The following PLAAT1 variants were observed in gnomAD, a reference collection of about 807,000 sequenced individuals.
PLAAT1 encodes H-REV107 protein-related protein.
PLAAT1 carries 13 observed loss-of-function variants against 16.4 expected under a neutral mutation model. The observed-to-expected ratio is 0.79, with a 90% CI of 0.52 to 1.26. The LOEUF is 1.26. Ranked by LOEUF, PLAAT1 falls within the 50% of genes most tolerant of loss-of-function variation. The pLI is 0.00. For synonymous variants in PLAAT1, 73 were observed against 78.4 expected (o/e 0.93, Z 0.36); for missense variants, 218 against 207.8 (o/e 1.05, Z -0.30).
At chr3:193,241,212 G>A (rs1277746775), upstream of PLAAT1, 3 of 1,222,950 alleles carry the variant, frequency 2.5e-6, no homozygotes, top group Non-Finnish European at 3.1e-6. Flanking sequence ...GGAGCGGGCG[G>A]CTCCCCATGG....
At chr3:193,246,393 C>T (rs1715985304) in intron 1 of PLAAT1, among the ~76,000 whole-genome samples, 1 of 152,034 alleles carries the variant, frequency 6.6e-6, no homozygotes, top group South Asian at 2.1e-4. Flanking sequence ...GAGACAGAGT[C>T]TTACTCTGTC....
At chr3:193,241,654 C>G (rs1715752988) in intron 1 of PLAAT1, 121 bp downstream of exon 1, 1 of 630,994 alleles carries the variant, frequency 1.6e-6, no homozygotes, top group Admixed American at 4.4e-5. Flanking sequence ...CCACCCTCCT[C>G]TTTTTCACAG....
At position 193,246,069 on chromosome 3, in the gene PLAAT1, C is replaced by T. The variant is rs569351701; in HGVS notation, c.-1+4536C>T. On this transcript the variant is annotated intron_variant, in intron 1 of 3. Coordinates refer to ENST00000264735, the MANE Select transcript of PLAAT1 (RefSeq NM_020386.5). ...TTTATTTCTTCTTCTTGCCTAATTG[C>T]TCTAGCTAGGACTTCCAGACTATGT... 1.1e-4 allele frequency among the ~76,000 whole-genome samples: 16 copies of T among 152,278 alleles called. No individual in the cohort carries two copies. In the South Asian group the frequency reaches 2.5e-3, roughly 24 times the overall value.
At chr3:193,250,588 G>A (rs1239098692) in intron 1 of PLAAT1, among the ~76,000 whole-genome samples, 1 of 152,174 alleles carries the variant, frequency 6.6e-6, no homozygotes, top group Non-Finnish European at 1.5e-5. Context: ...GGCTATAAAA[G>A]AGCACTCCGT....
downstream of PLAAT1, chr3:193,275,031 G>A (rs1341438422): frequency 9.3e-6 from 15 of 1,613,746 alleles, no homozygotes; most frequent in African/African-American, 2.7e-5. Context: ...CATGTACGAC[G>A]ACAATTCTGA....
chr3:193,264,326 A>T (rs1716697961), intron 3 of PLAAT1, among the ~76,000 whole-genome samples: 1 of 152,172 alleles, frequency 6.6e-6, no homozygotes, highest in South Asian at 2.1e-4. Flanking sequence ...TCAAAATCCT[A>T]CTTATCCTGC....
intron 2 of PLAAT1, among the ~76,000 whole-genome samples, chr3:193,277,423 C>T (rs1717270940): frequency 6.6e-6 from 1 of 152,104 alleles, no homozygotes; most frequent in Non-Finnish European, 1.5e-5. Context: ...TAACTTCCCA[C>T]GGCTGCATCC....
chr3:193,254,462 T>A (rs1716303620), intron 1 of PLAAT1, among the ~76,000 whole-genome samples: 1 of 152,156 alleles, frequency 6.6e-6, no homozygotes, highest in Non-Finnish European at 1.5e-5. Flanking sequence ...CAATTAGAGA[T>A]TCAACATAGA....
chr3:193,270,863 G>A, downstream of PLAAT1: 5 of 1,306,536 alleles, frequency 3.8e-6, no homozygotes, highest in Non-Finnish European at 4.9e-6. Flanking sequence ...TTATCATTGA[G>A]CCAATGAAAT....
chr3:193,268,117 C>A (rs1716842059), intron 3 of PLAAT1, among the ~76,000 whole-genome samples: 1 of 152,014 alleles, frequency 6.6e-6, no homozygotes, highest in East Asian at 1.9e-4. Context: ...CAGTTGTTTT[C>A]TCTCAGTTTG....
rs996891025 is a variant in PLAAT1, at chr3:193,241,529, G to A, written c.-5G>A. The A allele has an allele frequency of 7.3e-6, 9 of 1,232,018 alleles. No individual in the cohort carries two copies. The South Asian group carries it at 2.5e-4, about 34-fold the overall frequency. 76.3% of individuals were successfully genotyped at this position (1,232,018 alleles called of 1,614,324 possible). On this transcript the variant is annotated 5_prime_UTR_variant, in exon 1 of 4. The change creates a new upstream start codon in the 5' untranslated region. Coordinates refer to ENST00000264735, the MANE Select transcript of PLAAT1 (RefSeq NM_020386.5). ...GCGAGAAGAAGACCCCGGCTTGAGA[G>A]TGAGGTGTGCTGGGCGGAGTGGGGG... is the stretch of plus-strand genomic sequence containing the variant.
At chr3:193,252,715 T>G (rs1317116926) in intron 1 of PLAAT1, among the ~76,000 whole-genome samples, 1 of 152,214 alleles carries the variant, frequency 6.6e-6, no homozygotes, top group African/African-American at 2.4e-5. Flanking sequence ...TTGAAATAAT[T>G]TTTGTATGAA....
intron 2 of PLAAT1, chr3:193,276,661 A>G (rs1717222249): frequency 2.2e-6 from 2 of 901,492 alleles, no homozygotes; most frequent in Non-Finnish European, 3.5e-6. Context: ...TTGGGGGATC[A>G]AAGTGGTTGC....
chr3:193,271,749 A>C (rs1716987891), downstream of PLAAT1, among the ~76,000 whole-genome samples: 1 of 152,202 alleles, frequency 6.6e-6, no homozygotes, highest in African/African-American at 2.4e-5. Context: ...TAGGGGGTTG[A>C]TACAGTGAGA....
chr3:193,242,666 G>A (rs1045135288), intron 1 of PLAAT1, among the ~76,000 whole-genome samples: 5 of 152,120 alleles, frequency 3.3e-5, no homozygotes, highest in African/African-American at 4.8e-5. Flanking sequence ...CTGTGGCAGC[G>A]GATAGTTAAT....
At chr3:193,244,513 A>T (rs1205854770) in intron 1 of PLAAT1, among the ~76,000 whole-genome samples, 3 of 152,112 alleles carry the variant, frequency 2.0e-5, no homozygotes, top group Non-Finnish European at 4.4e-5. Flanking sequence ...ATGGGGTACA[A>T]CGTGATGTTT....
downstream of PLAAT1, chr3:193,275,204 T>C (rs1240097338): frequency 6.2e-7 from 1 of 1,614,234 alleles, no homozygotes; most frequent in East Asian, 2.2e-5. Context: ...TTGAGTCTTC[T>C]GCTAGCTTCT....
At position 193,263,185 on chromosome 3, in the gene PLAAT1, T is replaced by C; in HGVS notation, c.355T>C (p.Cys119Arg). The C allele has an allele frequency of 1.9e-6, 3 of 1,614,226 alleles. No individual in the cohort carries two copies. Among genetic ancestry groups the C allele is most frequent in the Non-Finnish European group, 2.5e-6 (3 of 1,180,022 alleles). ...EVAYNLLVNN[C>R]EHFVTLLRYG... is the part of the protein sequence containing the mutation. ...GGCCTATAACTTACTTGTCAACAAC[T>C]GTGAACATTTTGTGACATTGCTTCG... The change falls in exon 3 of 4, where the codon TGT (cysteine) becomes CGT (arginine). Residue 119 changes from cysteine (C) to arginine (R), a missense_variant. Transcript: ENST00000264735.
intron 3 of PLAAT1, among the ~76,000 whole-genome samples, chr3:193,264,749 G>A (rs1401231087): frequency 2.0e-5 from 3 of 152,118 alleles, no homozygotes; most frequent in South Asian, 2.1e-4. Flanking sequence ...TCCTGACCTC[G>A]TGATCCACCC....
Sources: gnomAD v4.1 joint callset for allele counts (sites outside exome capture counted in the v4.1 genomes callset) on GRCh38, gnomAD v4.1.1 for gene constraint, MANE v1.5 for transcripts, NCBI Gene and HGNC (gene_info 2026-07-23, HGNC 2026-07-21) for gene names.